The following GRID1 variants were observed in gnomAD, a reference collection of about 807,000 sequenced individuals.
GRID1 encodes glutamate ionotropic receptor delta type subunit 1, also known as glutamate receptor ionotropic, delta-1.
A neutral mutation model predicts 98.0 loss-of-function variants in GRID1; 28 were observed. That is an observed-to-expected ratio of 0.29 (90% CI 0.21 to 0.39). The LOEUF (loss-of-function observed/expected upper bound fraction) is 0.39, where lower values mean the gene tolerates loss of function less well. Among genes scored for constraint, GRID1 ranks in the 10% least tolerant of loss-of-function variants. The pLI, the probability that GRID1 is intolerant of heterozygous loss-of-function variation, is 1.00. For synonymous variants in GRID1, 553 were observed against 538.5 expected, an observed-to-expected ratio of 1.03 and a Z score of -0.37; for missense variants, 1,111 against 1,340.5, an observed-to-expected ratio of 0.83 and a Z score of 2.67.
At chr10:86,220,789 A>C (rs552574637) in intron 2 of GRID1, among the ~76,000 whole-genome samples, 1 of 152,318 alleles carries the variant, frequency 6.6e-6, no homozygotes, top group South Asian at 2.1e-4. Flanking sequence ...AACAGCCAGC[A>C]TGACAGCACA....
intron 4 of GRID1, among the ~76,000 whole-genome samples, chr10:85,994,735 C>T (rs1842721405): frequency 6.6e-6 from 1 of 152,218 alleles, no homozygotes; most frequent in African/African-American, 2.4e-5. Flanking sequence ...GTAAACTCAT[C>T]TCCAGCTGTC....
chr10:86,174,196 C>G (rs914002626), intron 3 of GRID1, among the ~76,000 whole-genome samples: 2 of 152,024 alleles, frequency 1.3e-5, no homozygotes, highest in African/African-American at 4.8e-5. Flanking sequence ...CAATCCTAAG[C>G]CAAAAGAACA....
intron 12 of GRID1, among the ~76,000 whole-genome samples, chr10:85,685,021 T>C (rs1014766772): frequency 6.6e-6 from 1 of 152,180 alleles, no homozygotes; most frequent in Non-Finnish European, 1.5e-5. Flanking sequence ...CAGATGAGTT[T>C]TGGGGAGAGA....
intron 2 of GRID1, among the ~76,000 whole-genome samples, chr10:86,288,641 A>G (rs1331403090): frequency 6.6e-6 from 1 of 152,180 alleles, no homozygotes; most frequent in East Asian, 1.9e-4. Flanking sequence ...AGCCTCCTCA[A>G]AGCAGCACCT....
intron 12 of GRID1, among the ~76,000 whole-genome samples, chr10:85,680,306 C>T (rs1841193592): frequency 6.6e-6 from 1 of 152,098 alleles, no homozygotes; most frequent in East Asian, 1.9e-4. Flanking sequence ...TCCAGCTGCC[C>T]CTGGCGACTA....
intron 2 of GRID1, among the ~76,000 whole-genome samples, chr10:86,295,494 C>T (rs1564731632): frequency 1.3e-5 from 2 of 152,298 alleles, no homozygotes; most frequent in Non-Finnish European, 2.9e-5. Flanking sequence ...GCCACCTTCT[C>T]TCTCCTCAGT....
intron 4 of GRID1, among the ~76,000 whole-genome samples, chr10:86,018,396 G>A (rs186553944): frequency 1.2e-4 from 19 of 152,370 alleles, no homozygotes. Flanking sequence ...TGTCAGGGGA[G>A]ATAAGACAGG....
chr10:86,181,849 CT>C (rs1287287163), intron 3 of GRID1, among the ~76,000 whole-genome samples: 1 of 152,156 alleles, frequency 6.6e-6, no homozygotes, highest in Non-Finnish European at 1.5e-5. Context: ...TCTCTGTCTC[CT>C]ATGCCAGGCT....
At chr10:85,635,168 G>A (rs11201706) in intron 13 of GRID1, among the ~76,000 whole-genome samples, 1 of 152,088 alleles carries the variant, frequency 6.6e-6, no homozygotes, top group African/African-American at 2.4e-5. Context: ...AATCGTAAAA[G>A]AAAGTAATTG....
chr10:86,176,260 T>C (rs1430086915), intron 3 of GRID1, among the ~76,000 whole-genome samples: 2 of 152,176 alleles, frequency 1.3e-5, no homozygotes, highest in African/African-American at 4.8e-5. Flanking sequence ...GAGTAGGATA[T>C]GGAAGCAAAT....
intron 2 of GRID1, among the ~76,000 whole-genome samples, chr10:86,327,816 G>T (rs191253599): frequency 6.6e-6 from 1 of 152,164 alleles, no homozygotes; most frequent in Non-Finnish European, 1.5e-5. Flanking sequence ...TTACCCTGTC[G>T]CTGGGTGTGC....
chr10:85,720,693 C>T (rs779249691), intron 12 of GRID1, among the ~76,000 whole-genome samples: 1 of 149,902 alleles, frequency 6.7e-6, no homozygotes, highest in African/African-American at 2.4e-5. Flanking sequence ...CCCCAAAACT[C>T]TCAACCTAAA....
intron 4 of GRID1, among the ~76,000 whole-genome samples, chr10:85,994,645 C>T (rs908811469): frequency 6.6e-6 from 1 of 152,174 alleles, no homozygotes; most frequent in African/African-American, 2.4e-5. Context: ...AGATACTCAG[C>T]ACGTGATTAC....
chr10:85,865,398 T>A (rs1463910556), intron 6 of GRID1, among the ~76,000 whole-genome samples: 2 of 152,090 alleles, frequency 1.3e-5, no homozygotes, highest in East Asian at 3.9e-4. Flanking sequence ...GATGACAGAG[T>A]TTCTGAGGCC....
chr10:86,057,891 G>T (rs1017078320), intron 4 of GRID1, among the ~76,000 whole-genome samples: 2 of 152,146 alleles, frequency 1.3e-5, no homozygotes, highest in Non-Finnish European at 2.9e-5. Flanking sequence ...TTTGGCTTAC[G>T]CATGCATGTT....
intron 8 of GRID1, among the ~76,000 whole-genome samples, chr10:85,785,195 G>A (rs1187383173): frequency 4.6e-5 from 7 of 152,222 alleles, no homozygotes; most frequent in Non-Finnish European, 8.8e-5. Context: ...GAACGGGATG[G>A]AAATGCTTTT....
At chr10:85,748,918 A>G (rs2132683540) in intron 8 of GRID1, among the ~76,000 whole-genome samples, 1 of 152,214 alleles carries the variant, frequency 6.6e-6, no homozygotes, top group South Asian at 2.1e-4. Context: ...TATCTACCTC[A>G]TTACTTAAGC....
chr10:86,181,218 G>A (rs1457038358), intron 3 of GRID1, among the ~76,000 whole-genome samples: 1 of 152,180 alleles, frequency 6.6e-6, no homozygotes, highest in Non-Finnish European at 1.5e-5. Flanking sequence ...ACCCACCCAA[G>A]GCCTCCCACT....
chr10:85,638,802 C>T (rs1488429232), intron 13 of GRID1, among the ~76,000 whole-genome samples: 2 of 152,098 alleles, frequency 1.3e-5, no homozygotes, highest in African/African-American at 4.8e-5. Context: ...AAAGAAGATA[C>T]ATGGATGGCC....
Sources: allele counts gnomAD v4.1 joint callset (sites outside exome capture counted in the v4.1 genomes callset), GRCh38; gene constraint gnomAD v4.1.1; transcripts MANE v1.5; gene names NCBI Gene and HGNC (gene_info 2026-07-23, HGNC 2026-07-21).